Variants in RGS5 observed in about 807,000 individuals in gnomAD.
RGS5 encodes regulator of G protein signaling 5.
A neutral mutation model predicts 18.9 loss-of-function variants in RGS5; 20 were observed. The observed-to-expected ratio is 1.06, with a 90% CI of 0.74 to 1.54. The LOEUF is 1.54. RGS5 is among the 40% of genes most tolerant of loss of function. RGS5 has a pLI of 0.00. For synonymous variants in RGS5, 57 were observed against 76.2 expected (o/e 0.75, Z 1.31); for missense variants, 201 against 211.8 (o/e 0.95, Z 0.32).
intron 2 of RGS5, among the ~76,000 whole-genome samples, chr1:163,256,147 A>T (rs1396764394): frequency 1.3e-5 from 2 of 152,166 alleles, no homozygotes; most frequent in Non-Finnish European, 2.9e-5. Flanking sequence ...AGGGTATTCA[A>T]TTAGGAAAAG....
At chr1:163,296,805 TAGA>T (rs1649429232) in intron 2 of RGS5, among the ~76,000 whole-genome samples, 1 of 152,160 alleles carries the variant, frequency 6.6e-6, no homozygotes, top group Non-Finnish European at 1.5e-5. Context: ...AATATGACTG[TAGA>T]AGAACAGAAT....
At chr1:163,279,990 A>G (rs906677055) in intron 2 of RGS5, among the ~76,000 whole-genome samples, 2 of 152,086 alleles carry the variant, frequency 1.3e-5, no homozygotes, top group African/African-American at 2.4e-5. Flanking sequence ...ACAATAATGA[A>G]TAACAAAGTT....
intron 1 of RGS5, among the ~76,000 whole-genome samples, chr1:163,180,638 C>T (rs1571250395): frequency 6.6e-6 from 1 of 150,840 alleles, no homozygotes; most frequent in East Asian, 1.9e-4. Context: ...AATTCTGTCA[C>T]CCCAGAAATT....
At chr1:163,313,231 T>C (rs1649922613) in intron 1 of RGS5, among the ~76,000 whole-genome samples, 1 of 152,168 alleles carries the variant, frequency 6.6e-6, no homozygotes, top group African/African-American at 2.4e-5. Flanking sequence ...AAAATAGTTA[T>C]TTTCTTTAAA....
intron 1 of RGS5, among the ~76,000 whole-genome samples, chr1:163,183,260 C>T (rs1408772449): frequency 6.6e-6 from 1 of 152,216 alleles, no homozygotes; most frequent in Non-Finnish European, 1.5e-5. Flanking sequence ...TTAACAGCCA[C>T]TTATTATTCC....
At chr1:163,220,749 G>T (rs549315715), upstream of RGS5, among the ~76,000 whole-genome samples, 30 of 152,208 alleles carry the variant, frequency 2.0e-4, no homozygotes, top group African/African-American at 6.7e-4. Context: ...TTGAGATGGG[G>T]AAATTAACCT....
intron 3 of RGS5, among the ~76,000 whole-genome samples, chr1:163,160,771 T>A (rs1335719792): frequency 2.0e-5 from 3 of 152,218 alleles, no homozygotes; most frequent in Admixed American, 2.0e-4. Flanking sequence ...GCAAAGCATG[T>A]GACAAAGTTT....
intron 2 of RGS5, among the ~76,000 whole-genome samples, chr1:163,270,212 C>T (rs1345518929): frequency 6.6e-6 from 1 of 151,880 alleles, no homozygotes; most frequent in East Asian, 1.9e-4. Flanking sequence ...TTTTTCTTTG[C>T]CTGAAGAGTT....
At chr1:163,270,412 T>A (rs1412452912) in intron 2 of RGS5, among the ~76,000 whole-genome samples, 1 of 149,956 alleles carries the variant, frequency 6.7e-6, no homozygotes, top group African/African-American at 2.5e-5. Context: ...CCCAGTTACT[T>A]GGGAGGCTGA....
At chr1:163,307,804 C>T (rs1270746036) in intron 1 of RGS5, among the ~76,000 whole-genome samples, 1 of 152,182 alleles carries the variant, frequency 6.6e-6, no homozygotes, top group African/African-American at 2.4e-5. Flanking sequence ...TGTAACACTA[C>T]TTAATATCCA....
At chr1:163,191,156 CAA>C (rs1178020774) in intron 1 of RGS5, among the ~76,000 whole-genome samples, 3 of 152,030 alleles carry the variant, frequency 2.0e-5, no homozygotes, top group Non-Finnish European at 4.4e-5. Flanking sequence ...TGTTTGTCAG[CAA>C]AAGAGACAGA....
chr1:163,200,349 T>C (rs1336846627), intron 1 of RGS5, among the ~76,000 whole-genome samples: 1 of 152,210 alleles, frequency 6.6e-6, no homozygotes, highest in African/African-American at 2.4e-5. Flanking sequence ...TTTTTCATAA[T>C]GTGTATTTGT....
chr1:163,228,855 T>C (rs1647399455), intron 2 of RGS5, among the ~76,000 whole-genome samples: 1 of 152,178 alleles, frequency 6.6e-6, no homozygotes, highest in Non-Finnish European at 1.5e-5. Context: ...CTAAAGCATA[T>C]CAAGAGCCAC....
chr1:163,300,693 T>C (rs908122372), intron 2 of RGS5: 1 of 152,164 alleles, frequency 6.6e-6, no homozygotes, highest in Admixed American at 6.5e-5. Flanking sequence ...TCATCTAATC[T>C]GAAATAAATT....
At chr1:163,232,012 TAG>T (rs1175520321) in intron 2 of RGS5, among the ~76,000 whole-genome samples, 5 of 152,146 alleles carry the variant, frequency 3.3e-5, no homozygotes, top group Admixed American at 3.3e-4. Context: ...ACCTGGACTC[TAG>T]AGTCATTTTT....
chr1:163,152,737 A>G (rs1302104716), intron 3 of RGS5, 21 bp from the exon 4 acceptor site: 2 of 1,560,346 alleles, frequency 1.3e-6, no homozygotes, highest in African/African-American at 1.4e-5. Context: ...AAAAACAGTC[A>G]GCTGGAGAAA....
chr1:163,197,413 C>G (rs1009189474), intron 1 of RGS5, among the ~76,000 whole-genome samples: 3 of 152,086 alleles, frequency 2.0e-5, no homozygotes, highest in Non-Finnish European at 4.4e-5. Context: ...CTCTAGGGGC[C>G]CCGCCTACCA....
chr1:163,229,968 G>T (rs1647435884), intron 2 of RGS5, among the ~76,000 whole-genome samples: 1 of 152,174 alleles, frequency 6.6e-6, no homozygotes, highest in African/African-American at 2.4e-5. Flanking sequence ...ATGAGTGAAT[G>T]ATATAAATAA....
At chr1:163,167,523 T>C (rs150417302) in intron 2 of RGS5, among the ~76,000 whole-genome samples, 39 of 152,278 alleles carry the variant, frequency 2.6e-4, no homozygotes, top group Middle Eastern at 6.8e-3. Context: ...TTCACTGCCA[T>C]AACATCATGA....
Sources: gnomAD v4.1 joint callset for allele counts (sites outside exome capture counted in the v4.1 genomes callset) on GRCh38, gnomAD v4.1.1 for gene constraint, MANE v1.5 for transcripts, NCBI Gene and HGNC (gene_info 2026-07-23, HGNC 2026-07-21) for gene names.